The following HS6ST3 variants were observed in gnomAD, a reference collection of about 807,000 sequenced individuals.
HS6ST3 encodes the protein heparan-sulfate 6-O-sulfotransferase 3.
In HS6ST3, 12 loss-of-function variants were observed where a neutral mutation model predicts 36.7. The observed-to-expected ratio is 0.33, with a 90% CI of 0.21 to 0.53. HS6ST3 has a LOEUF of 0.53. HS6ST3 is among the 20% of genes least tolerant of loss of function. The pLI is 0.95. For missense variants in HS6ST3, 584 were observed against 640.9 expected (o/e 0.91, Z 0.96); for synonymous variants, 240 against 257.5 (o/e 0.93, Z 0.65).
intron 1 of HS6ST3, among the ~76,000 whole-genome samples, chr13:96,211,454 C>T (rs771525381): frequency 1.1e-4 from 17 of 152,092 alleles, no homozygotes; most frequent in African/African-American, 1.9e-4. Flanking sequence ...CACTTTCTGG[C>T]TTATGTAAAT....
At chr13:96,785,818 A>G (rs903992119) in intron 1 of HS6ST3, among the ~76,000 whole-genome samples, 4 of 152,188 alleles carry the variant, frequency 2.6e-5, no homozygotes, top group Admixed American at 1.3e-4. Context: ...GGACATACAC[A>G]TATACATAAA....
rs2054050870 is a variant in HS6ST3 at position 96,145,113 on chromosome 13, TGC to T, written c.707+53546_707+53547del. Among the ~76,000 whole-genome samples, 5 of 6,446 alleles carry T rather than the reference TGC, an allele frequency of 7.8e-4. No individual in the cohort carries two copies. In the East Asian group the frequency reaches 0.04, roughly 52 times the overall value. 4.2% of individuals were successfully genotyped at this position (6,446 alleles called of 152,430 possible). On this transcript the variant is annotated intron_variant, in intron 1 of 1. Transcript: ENST00000376705. Reference sequence around the variant, plus strand: ...AATAGTGCCGCAGTAAACATACGTGTGCGTGTGCATGTGTCTTTATAGCAGCA... The same window carrying T: ...AATAGTGCCGCAGTAAACATACGTGTGTGTGCATGTGTCTTTATAGCAGCA...
chr13:96,574,989 T>C (rs370116612), intron 1 of HS6ST3, among the ~76,000 whole-genome samples: 3 of 152,296 alleles, frequency 2.0e-5, no homozygotes, highest in African/African-American at 7.2e-5. Context: ...GTTTATTGCA[T>C]ACCAAGAGTT....
chr13:96,549,015 T>C (rs949572881), intron 1 of HS6ST3, among the ~76,000 whole-genome samples: 1 of 152,226 alleles, frequency 6.6e-6, no homozygotes. Flanking sequence ...AAGCCAGTTA[T>C]GGTTACTCCC....
intron 1 of HS6ST3, among the ~76,000 whole-genome samples, chr13:96,738,857 T>G (rs1273663465): frequency 6.6e-6 from 1 of 152,150 alleles, no homozygotes; most frequent in Non-Finnish European, 1.5e-5. Flanking sequence ...TTTTCTTGAC[T>G]CTCTTTTACA....
At chr13:96,355,004 A>G (rs2055202513) in intron 1 of HS6ST3, among the ~76,000 whole-genome samples, 1 of 152,142 alleles carries the variant, frequency 6.6e-6, no homozygotes, top group South Asian at 2.1e-4. Flanking sequence ...GCAACTAAAC[A>G]AAAAACTAAC....
At chr13:96,635,976 T>C (rs945857570) in intron 1 of HS6ST3, among the ~76,000 whole-genome samples, 1 of 152,138 alleles carries the variant, frequency 6.6e-6, no homozygotes, top group Non-Finnish European at 1.5e-5. Flanking sequence ...AATGTAAACC[T>C]TCAGCTCTTT....
intron 1 of HS6ST3, among the ~76,000 whole-genome samples, chr13:96,107,703 G>T (rs1020533482): frequency 1.3e-5 from 2 of 152,158 alleles, no homozygotes; most frequent in Non-Finnish European, 2.9e-5. Context: ...AAATTGTGAA[G>T]ATTTCATGGA....
intron 1 of HS6ST3, among the ~76,000 whole-genome samples, chr13:96,466,203 C>T (rs1190865280): frequency 6.6e-6 from 1 of 152,120 alleles, no homozygotes; most frequent in Non-Finnish European, 1.5e-5. Flanking sequence ...ATTGCTTGAA[C>T]CCGGGAGGCG....
intron 1 of HS6ST3, among the ~76,000 whole-genome samples, chr13:96,659,892 T>C (rs2056640489): frequency 6.6e-6 from 1 of 152,134 alleles, no homozygotes; most frequent in African/African-American, 2.4e-5. Context: ...ACAAAAGATG[T>C]GTTTTGTAAC....
intron 1 of HS6ST3, among the ~76,000 whole-genome samples, chr13:96,128,319 T>C (rs2053960978): frequency 6.6e-6 from 1 of 152,124 alleles, no homozygotes; most frequent in Admixed American, 6.6e-5. Context: ...GCCCAGAATA[T>C]TTAGAAGGCA....
chr13:96,554,016 G>A (rs991955133), intron 1 of HS6ST3, among the ~76,000 whole-genome samples: 12 of 152,202 alleles, frequency 7.9e-5, no homozygotes, highest in Admixed American at 3.3e-4. Context: ...GTGCATGTGC[G>A]AGGTAATGAA....
intron 1 of HS6ST3, among the ~76,000 whole-genome samples, chr13:96,302,482 CTCTT>C (rs1313489898): frequency 6.6e-6 from 1 of 151,966 alleles, no homozygotes; most frequent in African/African-American, 2.4e-5. Flanking sequence ...TTATTTATAA[CTCTT>C]TATCTATTGT....
At chr13:96,783,068 C>T (rs1381534162) in intron 1 of HS6ST3, among the ~76,000 whole-genome samples, 2 of 152,154 alleles carry the variant, frequency 1.3e-5, no homozygotes, top group African/African-American at 2.4e-5. Context: ...CAAAATAGAG[C>T]ACATTGTTTG....
At chr13:96,822,300 C>T (rs904115004) in intron 1 of HS6ST3, among the ~76,000 whole-genome samples, 6 of 152,124 alleles carry the variant, frequency 3.9e-5, no homozygotes, top group East Asian at 1.9e-4. Flanking sequence ...AGTGATGCAG[C>T]GCAAAGCAGG....
At chr13:96,408,752 C>T (rs147555379) in intron 1 of HS6ST3, among the ~76,000 whole-genome samples, 2,561 of 151,932 alleles carry the variant, frequency 0.017, 90 homozygotes, top group African/African-American at 0.059. Flanking sequence ...GGTGAAACCC[C>T]GTCTTACTAA....
intron 1 of HS6ST3, among the ~76,000 whole-genome samples, chr13:96,245,706 T>C (rs535486011): frequency 6.6e-6 from 1 of 152,270 alleles, no homozygotes; most frequent in East Asian, 1.9e-4. Context: ...ATACAAACTA[T>C]AGTAGTCTCT....
chr13:96,118,649 TATATATATATATATA>T (rs2053905687), intron 1 of HS6ST3, among the ~76,000 whole-genome samples: 1 of 4,468 alleles, frequency 2.2e-4, no homozygotes, highest in African/African-American at 3.3e-4. Flanking sequence ...ATTAAAGATA[TATATATATATATATA>T]TATATATATA....
At chr13:96,715,115 A>G (rs1040989015) in intron 1 of HS6ST3, among the ~76,000 whole-genome samples, 1 of 152,214 alleles carries the variant, frequency 6.6e-6, no homozygotes, top group African/African-American at 2.4e-5. Context: ...TATATTAAAT[A>G]ACAAAAACAA....
Sources: gnomAD v4.1 joint callset for allele counts (sites outside exome capture counted in the v4.1 genomes callset) on GRCh38, gnomAD v4.1.1 for gene constraint, MANE v1.5 for transcripts, NCBI Gene and HGNC (gene_info 2026-07-23, HGNC 2026-07-21) for gene names.